The following PLD5 variants were observed in gnomAD, a reference collection of about 807,000 sequenced individuals.
PLD5 encodes phospholipase D family member 5.
Under a neutral mutation model 61.1 loss-of-function variants are expected in PLD5, and 36 were observed. The observed-to-expected ratio is 0.59, with a 90% confidence interval of 0.45 to 0.78. PLD5 has a LOEUF of 0.78. PLD5 is among the 30% of genes least tolerant of loss of function. The probability of loss-of-function intolerance (pLI) is 0.00; values close to 1 mark genes in which losing one functional copy is unlikely to be tolerated. For synonymous variants in PLD5, 243 were observed against 242.8 expected (o/e 1.00, Z -0.01); for missense variants, 515 against 644.4 (o/e 0.80, Z 2.17).
chr1:242,114,110 T>C, intron 6 of PLD5, 84 bp from the exon 7 acceptor site: 1 of 1,472,572 alleles, frequency 6.8e-7, no homozygotes, highest in South Asian at 1.3e-5. Flanking sequence ...TCCACGGACC[T>C]TGGCTTGTAA....
intron 1 of PLD5, among the ~76,000 whole-genome samples, chr1:242,353,999 T>C (rs1660617340): frequency 7.6e-6 from 1 of 132,138 alleles, no homozygotes; most frequent in African/African-American, 3.4e-5. Context: ...ACTCTAACAG[T>C]TTTTTTTTTT....
intron 2 of PLD5, among the ~76,000 whole-genome samples, chr1:242,290,502 G>A (rs559459940): frequency 6.6e-6 from 1 of 152,118 alleles, no homozygotes; most frequent in Non-Finnish European, 1.5e-5. Flanking sequence ...GTGATCAAGG[G>A]AGAAGAGTTT....
At chr1:242,105,836 G>T (rs1047530089) in intron 8 of PLD5, among the ~76,000 whole-genome samples, 1 of 151,526 alleles carries the variant, frequency 6.6e-6, no homozygotes, top group African/African-American at 2.4e-5. Flanking sequence ...AGAAGTCTAT[G>T]AACTAGAAAG....
intron 1 of PLD5, among the ~76,000 whole-genome samples, chr1:242,442,686 A>G (rs2102909638): frequency 6.6e-6 from 1 of 152,322 alleles, no homozygotes; most frequent in South Asian, 2.1e-4. Flanking sequence ...AAGTTTTTTA[A>G]CTTAAAAACC....
At chr1:242,486,817 T>C (rs1011551206) in intron 1 of PLD5, among the ~76,000 whole-genome samples, 8 of 152,038 alleles carry the variant, frequency 5.3e-5, no homozygotes, top group African/African-American at 1.9e-4. Context: ...AACCCAAATG[T>C]CCAACAATGA....
At chr1:242,207,314 C>T (rs939965396) in intron 5 of PLD5, among the ~76,000 whole-genome samples, 1 of 152,202 alleles carries the variant, frequency 6.6e-6, no homozygotes, top group Non-Finnish European at 1.5e-5. Context: ...TTCCCCACTG[C>T]TCACCTGGGC....
At chr1:242,094,563 T>TC (rs1660078913) in intron 9 of PLD5, among the ~76,000 whole-genome samples, 1 of 152,196 alleles carries the variant, frequency 6.6e-6, no homozygotes, top group Non-Finnish European at 1.5e-5. Flanking sequence ...TGGATTTTTT[T>TC]TTCTTCTAGG....
At chr1:242,333,589 T>A (rs1245282260) in intron 2 of PLD5, among the ~76,000 whole-genome samples, 1 of 152,174 alleles carries the variant, frequency 6.6e-6, no homozygotes, top group African/African-American at 2.4e-5. Context: ...GGTACCATTT[T>A]TACCATTTTT....
At position 242,265,359 on chromosome 1, in the gene PLD5, T is replaced by C; in HGVS notation, c.585A>G (p.Val195=). 6.2e-7 allele frequency: 1 copy of C among 1,612,126 alleles called. No homozygotes were observed. The highest frequency in any genetic ancestry group is 8.5e-7 in the Non-Finnish European group (1 of 1,179,526). The change falls in exon 4 of 10, where the codon GTA becomes GTG. Residue 195 remains valine, a synonymous_variant. Coordinates refer to ENST00000536534, the MANE Select transcript of PLD5 (RefSeq NM_001372062.1). Reference sequence around the variant, plus strand: ...TACCCTTTAATTTCAAGGCTTCTAATACCTTTGAATCAGCTGTTACATCAC... The same window carrying C: ...TACCCTTTAATTTCAAGGCTTCTAACACCTTTGAATCAGCTGTTACATCAC... ...LVSDVTADSK[V]LEALKLKGAE... is the part of the protein sequence containing the mutation.
chr1:242,232,031 C>A (rs754060555), intron 4 of PLD5, among the ~76,000 whole-genome samples: 3 of 150,852 alleles, frequency 2.0e-5, no homozygotes, highest in Non-Finnish European at 4.4e-5. Flanking sequence ...AATCTAATTG[C>A]GGTAGTTCTA....
chr1:242,454,658 T>C (rs1019853731), intron 1 of PLD5, among the ~76,000 whole-genome samples: 1 of 152,184 alleles, frequency 6.6e-6, no homozygotes, highest in African/African-American at 2.4e-5. Context: ...AAAGAGTTTC[T>C]AACGCTGAAA....
intron 1 of PLD5, among the ~76,000 whole-genome samples, chr1:242,506,923 C>G (rs1490502329): frequency 6.6e-6 from 1 of 152,194 alleles, no homozygotes; most frequent in Non-Finnish European, 1.5e-5. Flanking sequence ...AGCAATAGGA[C>G]AGCAACGCGG....
chr1:242,426,547 T>C (rs1665438844), intron 1 of PLD5, among the ~76,000 whole-genome samples: 4 of 152,184 alleles, frequency 2.6e-5, no homozygotes, highest in African/African-American at 9.6e-5. Context: ...ACAACTATAA[T>C]ATCACTAGGC....
At chr1:242,129,123 TC>T (rs1663035845) in intron 5 of PLD5, among the ~76,000 whole-genome samples, 1 of 152,170 alleles carries the variant, frequency 6.6e-6, no homozygotes, top group South Asian at 2.1e-4. Context: ...GGGCACCGTC[TC>T]CCTGGGTACT....
chr1:242,125,444 T>C (rs958201568), intron 5 of PLD5, among the ~76,000 whole-genome samples: 1 of 152,102 alleles, frequency 6.6e-6, no homozygotes, highest in Non-Finnish European at 1.5e-5. Flanking sequence ...ATTTAGTCAG[T>C]GGTAAATTAA....
chr1:242,521,809 T>G (rs1197081853), intron 1 of PLD5, among the ~76,000 whole-genome samples: 1 of 152,176 alleles, frequency 6.6e-6, no homozygotes, highest in Non-Finnish European at 1.5e-5. Context: ...AAGTCAACAT[T>G]AGATTTTCAT....
At chr1:242,526,636 A>G (rs1669454618), upstream of PLD5, among the ~76,000 whole-genome samples, 1 of 152,108 alleles carries the variant, frequency 6.6e-6, no homozygotes, top group Non-Finnish European at 1.5e-5. Context: ...GGGTTTCACC[A>G]CGTTGGCCAG....
intron 1 of PLD5, among the ~76,000 whole-genome samples, chr1:242,360,119 A>G (rs2149235419): frequency 6.6e-6 from 1 of 152,248 alleles, no homozygotes; most frequent in South Asian, 2.1e-4. Context: ...ACTTGTAAAA[A>G]CATACATTGC....
intron 4 of PLD5, among the ~76,000 whole-genome samples, chr1:242,247,664 T>C (rs145662875): frequency 1.3e-5 from 2 of 152,252 alleles, no homozygotes; most frequent in Non-Finnish European, 2.9e-5. Context: ...AATAACTCAG[T>C]TTTTCAGGTT....
Sources: gnomAD v4.1 joint callset for allele counts (sites outside exome capture counted in the v4.1 genomes callset) on GRCh38, gnomAD v4.1.1 for gene constraint, MANE v1.5 for transcripts, NCBI Gene and HGNC (gene_info 2026-07-23, HGNC 2026-07-21) for gene names.